The following SLC2A13 variants were observed in gnomAD, a reference collection of about 807,000 sequenced individuals.
The protein encoded by SLC2A13 is proton myo-inositol cotransporter.
A neutral mutation model predicts 64.4 loss-of-function variants in SLC2A13; 32 were observed. The observed-to-expected ratio is 0.50, with a 90% CI of 0.37 to 0.67. The LOEUF (loss-of-function observed/expected upper bound fraction) is 0.67. SLC2A13 is among the 30% of genes least tolerant of loss of function. SLC2A13 has a pLI of 0.00. For missense variants in SLC2A13, 743 were observed against 829.2 expected, an observed-to-expected ratio of 0.90 and a Z score of 1.28; for synonymous variants, 338 against 327.1, an observed-to-expected ratio of 1.03 and a Z score of -0.36.
At chr12:39,796,422 T>TAA (rs10545679) in intron 7 of SLC2A13, among the ~76,000 whole-genome samples, 29 of 117,602 alleles carry the variant, frequency 2.5e-4, no homozygotes, top group African/African-American at 6.3e-4. Flanking sequence ...GGACCCATCT[T>TAA]AAAAAAAAAA....
chr12:39,996,899 TG>T (rs1235475032), intron 3 of SLC2A13, among the ~76,000 whole-genome samples: 1 of 152,048 alleles, frequency 6.6e-6, no homozygotes, highest in Non-Finnish European at 1.5e-5. Context: ...CACAAACAAA[TG>T]GAAACACATC....
intron 4 of SLC2A13, among the ~76,000 whole-genome samples, chr12:39,900,818 CA>C (rs1364689939): frequency 6.6e-6 from 1 of 152,170 alleles, no homozygotes; most frequent in African/African-American, 2.4e-5. Context: ...TGACTTTCTT[CA>C]CAGAATTGGA....
chr12:39,819,568 C>T (rs1336742016), intron 7 of SLC2A13, among the ~76,000 whole-genome samples: 1 of 152,138 alleles, frequency 6.6e-6, no homozygotes, highest in African/African-American at 2.4e-5. Context: ...TTTACCTTTT[C>T]TCTCAAATGT....
chr12:39,972,035 T>TAC (rs1035199775), intron 3 of SLC2A13, among the ~76,000 whole-genome samples: 1 of 8,152 alleles, frequency 1.2e-4, no homozygotes, highest in Admixed American at 9.8e-4. Context: ...TATAAATATA[T>TAC]ATATAAATTA....
At chr12:39,797,291 C>T (rs781218175) in intron 7 of SLC2A13, among the ~76,000 whole-genome samples, 7 of 152,278 alleles carry the variant, frequency 4.6e-5, no homozygotes, top group South Asian at 2.1e-4. Flanking sequence ...TCTTTAAGTA[C>T]ATTGAAAAAT....
chr12:39,924,042 A>G (rs1476019328), intron 4 of SLC2A13, among the ~76,000 whole-genome samples: 1 of 152,164 alleles, frequency 6.6e-6, no homozygotes, highest in Non-Finnish European at 1.5e-5. Flanking sequence ...CAGCTTATCA[A>G]GATAAACAGT....
intron 3 of SLC2A13, among the ~76,000 whole-genome samples, chr12:40,017,856 C>G (rs1458681345): frequency 5.9e-5 from 9 of 152,028 alleles, no homozygotes; most frequent in Non-Finnish European, 1.3e-4. Flanking sequence ...AGAGGTTCCT[C>G]TGTGACTACA....
At chr12:39,972,868 G>A (rs1946689989) in intron 3 of SLC2A13, among the ~76,000 whole-genome samples, 1 of 152,104 alleles carries the variant, frequency 6.6e-6, no homozygotes, top group Non-Finnish European at 1.5e-5. Flanking sequence ...GGGAGTTCGA[G>A]ACCAGCCTGA....
intron 3 of SLC2A13, among the ~76,000 whole-genome samples, chr12:39,977,090 T>C (rs2136139921): frequency 6.6e-6 from 1 of 152,260 alleles, no homozygotes; most frequent in East Asian, 1.9e-4. Context: ...GATAAAAGGA[T>C]GAGGGGTTTG....
intron 4 of SLC2A13, among the ~76,000 whole-genome samples, chr12:39,947,575 C>T (rs1232271427): frequency 6.6e-6 from 1 of 150,896 alleles, no homozygotes; most frequent in Admixed American, 6.6e-5. Context: ...TATTAATAGT[C>T]ATCAGATAAA....
At chr12:39,863,686 G>C (rs1943824132) in intron 6 of SLC2A13, among the ~76,000 whole-genome samples, 1 of 152,058 alleles carries the variant, frequency 6.6e-6, no homozygotes, top group Admixed American at 6.6e-5. Flanking sequence ...ACAATAAAAA[G>C]ACTATGAAAG....
intron 4 of SLC2A13, chr12:39,950,210 C>T (rs2136099746): frequency 6.6e-6 from 1 of 152,104 alleles, no homozygotes; most frequent in South Asian, 2.1e-4. Flanking sequence ...TCACTCTTCT[C>T]AAACAGTCAC....
intron 7 of SLC2A13, among the ~76,000 whole-genome samples, chr12:39,786,150 C>T (rs1941177427): frequency 6.6e-6 from 1 of 151,982 alleles, no homozygotes; most frequent in Admixed American, 6.6e-5. Context: ...TGGCTTTGTC[C>T]CCACCCAAAT....
At chr12:39,812,763 C>T (rs1942217428) in intron 7 of SLC2A13, among the ~76,000 whole-genome samples, 1 of 148,724 alleles carries the variant, frequency 6.7e-6, no homozygotes, top group Admixed American at 6.8e-5. Context: ...TGAGTCATTG[C>T]ACCTGGCGGT....
At chr12:39,884,541 G>A (rs117011372) in intron 4 of SLC2A13, among the ~76,000 whole-genome samples, 1 of 152,220 alleles carries the variant, frequency 6.6e-6, no homozygotes, top group Non-Finnish European at 1.5e-5. Context: ...TCAATAAGAT[G>A]CAATTAAGAT....
At chr12:40,028,058 G>A (rs994299331) in intron 3 of SLC2A13, among the ~76,000 whole-genome samples, 1 of 151,932 alleles carries the variant, frequency 6.6e-6, no homozygotes, top group Non-Finnish European at 1.5e-5. Flanking sequence ...ACATGTAAAC[G>A]AAGCATTTTA....
chr12:39,812,715 A>T (rs1336812668), intron 7 of SLC2A13, among the ~76,000 whole-genome samples: 2 of 150,974 alleles, frequency 1.3e-5, no homozygotes, highest in Admixed American at 1.3e-4. Flanking sequence ...CAAGTGATCC[A>T]CCTGCCTCAG....
At chr12:39,836,158 A>T (rs1233768619) in intron 6 of SLC2A13, among the ~76,000 whole-genome samples, 1 of 152,140 alleles carries the variant, frequency 6.6e-6, no homozygotes, top group Admixed American at 6.6e-5. Context: ...AGTTTGTAGT[A>T]AATAAGTGTG....
intron 7 of SLC2A13, among the ~76,000 whole-genome samples, chr12:39,795,986 A>G (rs1941559782): frequency 1.3e-5 from 2 of 152,108 alleles, no homozygotes; most frequent in South Asian, 4.1e-4. Context: ...TAATTTTAGA[A>G]CATTTTCATC....
Sources: gnomAD v4.1 joint callset for allele counts (sites outside exome capture counted in the v4.1 genomes callset) on GRCh38, gnomAD v4.1.1 for gene constraint, MANE v1.5 for transcripts, NCBI Gene and HGNC (gene_info 2026-07-23, HGNC 2026-07-21) for gene names.